HDGFL3: variants seen among roughly 807,000 people sequenced by gnomAD.
The protein encoded by HDGFL3 is hepatoma-derived growth factor-related protein 3.
In HDGFL3, 6 loss-of-function variants were observed where a neutral mutation model predicts 27.6. The ratio of observed to expected loss-of-function variants is 0.22; its 90% CI spans 0.12 to 0.43. The LOEUF is 0.43. Among genes scored for constraint, HDGFL3 ranks in the 20% least tolerant of loss-of-function variants. HDGFL3 has a pLI of 1.00. For missense variants in HDGFL3, 207 were observed against 250.1 expected (o/e 0.83, Z 1.16); for synonymous variants, 88 against 88.9 (o/e 0.99, Z 0.05).
chr15:83,141,026 A>T (rs996051873), intron 5 of HDGFL3, among the ~76,000 whole-genome samples: 1 of 152,188 alleles, frequency 6.6e-6, no homozygotes, highest in East Asian at 1.9e-4. Flanking sequence ...GTGCTGTCAA[A>T]TGGGTGCTTT....
In HDGFL3 at chr15:83,152,552, T is replaced by C. The variant is rs570876996; in HGVS notation, c.460-1191A>G. ...CCTGTCTCTACTAAAAATACAAAAT[T>C]AGCTGGGTGTGGTGGCGAGAGGCCT... is the stretch of plus-strand genomic sequence containing the variant. On this transcript the variant is annotated intron_variant, in intron 4 of 5. Transcript: ENST00000299633. 2.0e-5 allele frequency among the ~76,000 whole-genome samples: 3 copies of C among 152,032 alleles called. No individual in the cohort carries two copies. In the South Asian group the frequency reaches 6.2e-4, roughly 32 times the overall value.
At chr15:83,186,821 T>C (rs1032056492) in intron 1 of HDGFL3, among the ~76,000 whole-genome samples, 2 of 152,180 alleles carry the variant, frequency 1.3e-5, no homozygotes, top group East Asian at 3.8e-4. Context: ...TCCCAGACTT[T>C]ACCGCAATAT....
rs1026938039 is a variant in HDGFL3 at position 83,134,365 on chromosome 15, C to T, written c.*4905G>A. On this transcript the variant is annotated 3_prime_UTR_variant, in exon 6 of 6. Transcript: ENST00000299633. ...CCTCCCGAGCAGCTGAGATTACAGG[C>T]GTCTGCCACCACGCCCGGCTAATTT... is the stretch of plus-strand genomic sequence containing the variant. The T allele has an allele frequency of 1.3e-5, 2 of 152,272 alleles. No individual in the cohort carries two copies. Among genetic ancestry groups the T allele is most frequent in the South Asian group, 2.1e-4 (1 of 4,828 alleles). The allele number at this position is 152,272 out of a possible 1,614,324, so 9.4% of individuals were successfully genotyped here. A position where few individuals can be genotyped will look rare whatever the true frequency, so the allele number is the denominator to read the frequency against.
intron 5 of HDGFL3, chr15:83,144,949 C>A (rs752211621): frequency 5.6e-5 from 9 of 162,122 alleles, no homozygotes; most frequent in Non-Finnish European, 9.6e-5. Context: ...GTAACTTTCA[C>A]CTTCTATCCA....
chr15:83,157,486 C>G lies in HDGFL3; in HGVS notation c.388G>C (p.Glu130Gln), dbSNP rs1201779251. ...ASSEEEGDRV[E>Q]EDGKGKRKNE... ...TTTCTTTTGCCTTTTCCATCTTCTT[C>G]TACTCTATCACCTTCTTCCTCACTG... is the stretch of plus-strand genomic sequence containing the variant. Residue 130 changes from glutamate (E) to glutamine (Q), a missense_variant, in exon 4 of 6, where the codon GAA becomes CAA. By Grantham distance (29) the Glu-to-Gln change is conservative. Coordinates refer to ENST00000299633, the MANE Select transcript of HDGFL3 (RefSeq NM_016073.4). 2 of 1,613,216 alleles carry G rather than the reference C, an allele frequency of 1.2e-6. No individual in the cohort carries two copies. Among genetic ancestry groups the G allele is most frequent in the South Asian group, 2.2e-5 (2 of 91,066 alleles).
At chr15:83,146,910 C>T (rs1384130387) in intron 5 of HDGFL3, among the ~76,000 whole-genome samples, 1 of 152,116 alleles carries the variant, frequency 6.6e-6, no homozygotes, top group Non-Finnish European at 1.5e-5. Flanking sequence ...AACCTTGTTC[C>T]TTAAGAAAAT....
chr15:83,127,419 T>A (rs2035867546), downstream of HDGFL3: 1 of 1,613,970 alleles, frequency 6.2e-7, no homozygotes, highest in South Asian at 1.1e-5. Context: ...GGCTTAGTGG[T>A]TCCTGGATGT....
intron 1 of HDGFL3, chr15:83,192,359 A>T (rs1253661018): frequency 2.2e-6 from 1 of 450,536 alleles, no homozygotes; most frequent in Non-Finnish European, 4.4e-6. Context: ...TGCACTCCTG[A>T]CAGGGTTGCT....
At chr15:83,142,418 A>G (rs2036791380) in intron 5 of HDGFL3, among the ~76,000 whole-genome samples, 1 of 152,172 alleles carries the variant, frequency 6.6e-6, no homozygotes, top group African/African-American at 2.4e-5. Flanking sequence ...ACAAACTAAC[A>G]CAGGAACAGA....
chr15:83,180,455 A>G (rs1434626968), intron 1 of HDGFL3, among the ~76,000 whole-genome samples: 1 of 152,118 alleles, frequency 6.6e-6, no homozygotes, highest in Admixed American at 6.5e-5. Context: ...AAAAGGGGAA[A>G]AAACCCTAAC....
At chr15:83,120,175 A>G (rs2035085900) in intron 3 of HDGFL3, 1 of 160,612 alleles carries the variant, frequency 6.2e-6, no homozygotes, top group Non-Finnish European at 1.4e-5. Context: ...GGATTAAAGG[A>G]ACAGGAGCCG....
chr15:83,198,632 G>A (rs2037601057), intron 1 of HDGFL3, among the ~76,000 whole-genome samples: 1 of 152,146 alleles, frequency 6.6e-6, no homozygotes, highest in African/African-American at 2.4e-5. Flanking sequence ...CATGGTACCA[G>A]CATCTGCTCA....
At position 83,207,190 on chromosome 15, in the gene HDGFL3, T is replaced by A. The variant is rs1457999307; in HGVS notation, c.84+141A>T. 2.1e-6 allele frequency: 1 copy of A among 486,384 alleles called. No individual in the cohort carries two copies. 30.1% of individuals were successfully genotyped at this position (486,384 alleles called of 1,614,324 possible). On this transcript the variant is annotated intron_variant, in intron 1 of 5. Transcript: ENST00000299633. The surrounding 1 kb of genome is among the most constrained non-coding windows in gnomAD (Gnocchi z 4.8). ...CTCAGCCCCGGCCCGGTCTTCTTCG[T>A]GCCGCGCCGCCCTCAGCCCTCACCA...
chr15:83,144,615 C>A (rs1455337136), intron 5 of HDGFL3: 2 of 440,070 alleles, frequency 4.5e-6, no homozygotes, highest in Non-Finnish European at 9.1e-6. Flanking sequence ...GAACTGAGGC[C>A]TCCAGTCCAA....
At position 83,136,931 on chromosome 15, in the gene HDGFL3, T is replaced by C. The variant is rs544473394; in HGVS notation, c.*2339A>G. On this transcript the variant is annotated 3_prime_UTR_variant, in exon 6 of 6. Coordinates refer to ENST00000299633, the MANE Select transcript of HDGFL3 (RefSeq NM_016073.4). ...ACTTGATCATCCATCTCAATATTGT[T>C]TGACATATAAAATAATTATAAGTGT... is the stretch of plus-strand genomic sequence containing the variant. The C allele has an allele frequency of 3.7e-6, 1 of 269,664 alleles. No individual in the cohort carries two copies. The highest frequency in any genetic ancestry group is 9.4e-5 in the South Asian group (1 of 10,656). The allele number at this position is 269,664 out of a possible 1,614,324, so 16.7% of individuals were successfully genotyped here.
chr15:83,161,421 A>G (rs529600328), intron 2 of HDGFL3, among the ~76,000 whole-genome samples: 3 of 152,316 alleles, frequency 2.0e-5, no homozygotes, highest in African/African-American at 7.2e-5. Flanking sequence ...TTGGCCTCCC[A>G]AAGTGCTGGT....
intron 1 of HDGFL3, among the ~76,000 whole-genome samples, chr15:83,172,851 G>A (rs2037263001): frequency 6.6e-6 from 1 of 151,520 alleles, no homozygotes; most frequent in Non-Finnish European, 1.5e-5. Context: ...AAAAGAAACT[G>A]TATTTACTAT....
exon 4 of HDGFL3, chr15:83,112,818 T>G (rs1364295198): frequency 6.2e-7 from 1 of 1,614,048 alleles, no homozygotes; most frequent in Non-Finnish European, 8.5e-7. Flanking sequence ...TTGTAGGGGT[T>G]GCTGCCCTCA....
At chr15:83,196,072 A>G (rs1441093728) in intron 1 of HDGFL3, among the ~76,000 whole-genome samples, 1 of 151,998 alleles carries the variant, frequency 6.6e-6, no homozygotes, top group Non-Finnish European at 1.5e-5. Flanking sequence ...AAAAAAAGGG[A>G]CAGATATGTA....
Sources: allele counts gnomAD v4.1 joint callset (sites outside exome capture counted in the v4.1 genomes callset), GRCh38; gene constraint gnomAD v4.1.1; non-coding constraint Gnocchi (gnomAD v3.1); transcripts MANE v1.5; gene names NCBI Gene and HGNC (gene_info 2026-07-23, HGNC 2026-07-21).